GAS1: variants seen among roughly 807,000 people sequenced by gnomAD.
The protein encoded by GAS1 is growth arrest-specific protein 1.
GAS1 carries 10 observed loss-of-function variants against 21.6 expected under a neutral mutation model. That is an observed-to-expected ratio of 0.46 (90% CI 0.29 to 0.79). GAS1 has a LOEUF of 0.79. GAS1 is among the 30% of genes least tolerant of loss of function. The pLI is 0.10. For synonymous variants in GAS1, 332 were observed against 264.0 expected (o/e 1.26, Z -2.50); for missense variants, 567 against 544.3 (o/e 1.04, Z -0.42).
rs549796120 is a variant in GAS1 at position 86,947,343 on chromosome 9, C to T, written c.-564G>A. On this transcript the variant is annotated 5_prime_UTR_variant, in exon 1 of 1. Coordinates refer to ENST00000298743, the MANE Select transcript of GAS1 (RefSeq NM_002048.3). ...GGCCGCCCCGCGTCCCCTCCCCCTC[C>T]GCCCGCGGCAACCCCGGCCTCCGCA... Among the ~76,000 whole-genome samples the T allele has an allele frequency of 1.8e-4, 27 of 151,768 alleles. No homozygotes were observed. Among genetic ancestry groups the T allele is most frequent in the African/African-American group, 6.5e-4 (27 of 41,444 alleles).
In GAS1 at chr9:86,945,314, TAGAC is replaced by T. The variant is rs1358968999; in HGVS notation, c.*424_*427del. The T allele has an allele frequency of 1.3e-5, 2 of 156,796 alleles. No homozygotes were observed. The highest frequency in any genetic ancestry group is 2.8e-5 in the Non-Finnish European group (2 of 71,418). The allele number at this position is 156,796 out of a possible 1,614,324, so 9.7% of individuals were successfully genotyped here. A position where few individuals can be genotyped will look rare whatever the true frequency, so the allele number is the denominator to read the frequency against. On this transcript the variant is annotated 3_prime_UTR_variant, in exon 1 of 1. Transcript: ENST00000298743. ...TGCCCCCTCAAAGGAAATATGCTAA[TAGAC>T]AGCCCCTTTGCAAATATAATTCCTC...
Position 86,945,899 on chromosome 9 carries a change from G to A in GAS1, c.881C>T (p.Pro294Leu). The A allele has an allele frequency of 6.5e-7, 1 of 1,531,430 alleles. No homozygotes were observed. Among genetic ancestry groups the A allele is most frequent in the Non-Finnish European group, 8.7e-7 (1 of 1,143,564 alleles). 94.9% of individuals were successfully genotyped at this position (1,531,430 alleles called of 1,614,324 possible). The change falls in exon 1 of 1, where the codon CCG becomes CTG. Residue 294 changes from proline to leucine, a missense_variant. Transcript: ENST00000298743. ...LDDDDGVPHP[P>L]RPGSGAAASG... ...TGCAGCAGCGCCGCTGCCCGGGCGC[G>A]GTGGGTGCGGGACGCCGTCGTCGTC...
Position 86,946,048 on chromosome 9 carries a change from G to T in GAS1, c.732C>A (p.Phe244Leu). 1 of 1,607,652 alleles carries T rather than the reference G, an allele frequency of 6.2e-7. No homozygotes were observed. Among genetic ancestry groups the T allele is most frequent in the Non-Finnish European group, 8.5e-7 (1 of 1,179,490 alleles). Residue 244 changes from phenylalanine (F) to leucine (L), a missense_variant, in exon 1 of 1, where the codon TTC (phenylalanine) becomes TTA (leucine). Phe to Leu is a conservative substitution (Grantham distance 22, BLOSUM62 0). Coordinates refer to ENST00000298743, the MANE Select transcript of GAS1 (RefSeq NM_002048.3). The surrounding 1 kb of genome is among the most constrained non-coding windows in gnomAD (Gnocchi z 5.2). ...SVKENMARLC[F>L]GAELGNGPGS... ...CGGGGCCGTTGCCCAGCTCGGCGCC[G>T]AAGCACAGGCGGGCCATGTTCTCCT...
At position 86,946,738 on chromosome 9, in the gene GAS1, C is replaced by G; in HGVS notation, c.42G>C (p.Gly14=). ...ACAGCCAGGCGCCCGGCACTGTCCC[C>G]CCGCGGGCCTCGCCGCCGCCGCCCA... ...ALLGGGGEAR[G]GTVPGAWLCL... Residue 14 remains glycine, a synonymous_variant, in exon 1 of 1, where the codon GGG becomes GGC. Coordinates refer to ENST00000298743, the MANE Select transcript of GAS1 (RefSeq NM_002048.3). This position sits in a 1 kb window ranked among gnomAD's most constrained non-coding sequence, Gnocchi z 5.2. 7.8e-7 allele frequency: 1 copy of G among 1,276,790 alleles called. No individual in the cohort carries two copies. The highest frequency in any genetic ancestry group is 2.0e-5 in the South Asian group (1 of 50,156). 79.1% of individuals were successfully genotyped at this position (1,276,790 alleles called of 1,614,324 possible).
chr9:86,945,996 C>T lies in GAS1; in HGVS notation c.784G>A (p.Asp262Asn), dbSNP rs1042442624. ...TCGTAGTCCTCATCGTAGTAGTCGT[C>T]CAGGCCCCCGTCCGAGCCGCTGCTG... is the stretch of plus-strand genomic sequence containing the variant. Reference protein sequence around the residue: ...PGSSGSDGGLDDYYDEDYDDE... With the variant: ...PGSSGSDGGLNDYYDEDYDDE... The change falls in exon 1 of 1, where the codon GAC becomes AAC. Residue 262 changes from aspartate to asparagine, a missense_variant. Physicochemically the swap from Asp to Asn is conservative, Grantham distance 23. Transcript: ENST00000298743. 6.2e-7 allele frequency: 1 copy of T among 1,608,118 alleles called. No homozygotes were observed. Among genetic ancestry groups the T allele is most frequent in the Non-Finnish European group, 8.5e-7 (1 of 1,179,210 alleles).
At position 86,946,678 on chromosome 9, in the gene GAS1, C is replaced by G; in HGVS notation, c.102G>C (p.Ala34=). Residue 34 remains alanine (A), a synonymous_variant, in exon 1 of 1, where the codon GCG becomes GCC. Coordinates refer to ENST00000298743, the MANE Select transcript of GAS1 (RefSeq NM_002048.3). The surrounding 1 kb of genome is among the most constrained non-coding windows in gnomAD (Gnocchi z 5.2). The stretch of plus-strand genomic sequence containing the variant: ...CGTGCGCCAGCCCCGATCCCCGCGG[C>G]GCCGAGCCCAGCAGCTGCAGCAGCG... ...LMALLQLLGS[A]PRGSGLAHGR... The G allele has an allele frequency of 7.0e-7, 1 of 1,422,232 alleles. No homozygotes were observed. Among genetic ancestry groups the G allele is most frequent in the Non-Finnish European group, 9.2e-7 (1 of 1,087,294 alleles). 88.1% of individuals were successfully genotyped at this position (1,422,232 alleles called of 1,614,324 possible).
rs1825497282 is a variant in GAS1, at chr9:86,946,604, G to A, written c.176C>T (p.Pro59Leu). 2.1e-6 allele frequency: 3 copies of A among 1,449,700 alleles called. No homozygotes were observed. Among genetic ancestry groups the A allele is most frequent in the Non-Finnish European group, 2.7e-6 (3 of 1,103,772 alleles). The allele number at this position is 1,449,700 out of a possible 1,614,324, so 89.8% of individuals were successfully genotyped here. ...WQALLQCQGE[P>L]ECSYAYNQYA... ...CTGGTTGTAGGCGTAGCTGCACTCC[G>A]GCTCCCCCTGGCACTGCAGCAGCGC... The change falls in exon 1 of 1, where the codon CCG (proline) becomes CTG (leucine). Residue 59 changes from proline to leucine, a missense_variant. Transcript: ENST00000298743. This position sits in a 1 kb window ranked among gnomAD's most constrained non-coding sequence, Gnocchi z 5.2.
In GAS1 at chr9:86,946,959, C is replaced by T. The variant is rs1825509600; in HGVS notation, c.-180G>A. The T allele has an allele frequency of 3.0e-6, 1 of 333,466 alleles. No individual in the cohort carries two copies. The highest frequency in any genetic ancestry group is 5.0e-5 in the Admixed American group (1 of 19,982). 20.7% of individuals were successfully genotyped at this position (333,466 alleles called of 1,614,324 possible). On this transcript the variant is annotated 5_prime_UTR_variant, in exon 1 of 1. Transcript: ENST00000298743. This position sits in a 1 kb window ranked among gnomAD's most constrained non-coding sequence, Gnocchi z 5.2. Reference sequence around the variant, plus strand: ...TGGTGGCAGAAGGTCCCCTTTCGCTCTGGCTGCGGTGGCTTCCTGGAAATG... The same window carrying T: ...TGGTGGCAGAAGGTCCCCTTTCGCTTTGGCTGCGGTGGCTTCCTGGAAATG...
Position 86,946,560 on chromosome 9 carries a change from G to A in GAS1, c.220C>T (p.Pro74Ser). 1 of 1,395,288 alleles carries A rather than the reference G, an allele frequency of 7.2e-7. No individual in the cohort carries two copies. The highest frequency in any genetic ancestry group is 9.3e-7 in the Non-Finnish European group (1 of 1,078,190). 86.4% of individuals were successfully genotyped at this position (1,395,288 alleles called of 1,614,324 possible). Residue 74 changes from proline to serine, a missense_variant, in exon 1 of 1, where the codon CCG becomes TCG. By Grantham distance (74) the Pro-to-Ser change is moderately conservative. Transcript: ENST00000298743. This position sits in a 1 kb window ranked among gnomAD's most constrained non-coding sequence, Gnocchi z 5.2. The part of the protein sequence containing the change: ...AYNQYAEACA[P>S]VLAQHGGGDA... ...CCCCCGCCGTGCTGCGCCAGCACCGGCGCGCACGCCTCGGCGTACTGGTTG... is the reference window on the plus strand; with the variant it reads ...CCCCCGCCGTGCTGCGCCAGCACCGACGCGCACGCCTCGGCGTACTGGTTG...
At position 86,946,192 on chromosome 9, in the gene GAS1, C is replaced by G; in HGVS notation, c.588G>C (p.Gly196=). 6.2e-7 allele frequency: 1 copy of G among 1,604,024 alleles called. No homozygotes were observed. The highest frequency in any genetic ancestry group is 8.5e-7 in the Non-Finnish European group (1 of 1,179,166). The change falls in exon 1 of 1, where the codon GGG becomes GGC. Residue 196 remains glycine (G), a synonymous_variant. Coordinates refer to ENST00000298743, the MANE Select transcript of GAS1 (RefSeq NM_002048.3). This position sits in a 1 kb window ranked among gnomAD's most constrained non-coding sequence, Gnocchi z 5.2. ...TGCGGCATTCGTCCGTGCAGCGCAG[C>G]CCGTTGAAGACTTTGCCGCAGTAGG... The part of the protein sequence containing the change: ...YLTYCGKVFN[G]LRCTDECRTV...
In GAS1 at chr9:86,946,765, C is replaced by G; in HGVS notation, c.15G>C (p.Leu5=). Reference sequence around the variant, plus strand: ...CGCGGGCCTCGCCGCCGCCGCCCAGCAGCGCGGCCACCATCGCGGGCAGCG... The same window carrying G: ...CGCGGGCCTCGCCGCCGCCGCCCAGGAGCGCGGCCACCATCGCGGGCAGCG... MVAA[L]LGGGGEARGG... The change falls in exon 1 of 1, where the codon CTG becomes CTC. Residue 5 remains leucine, a synonymous_variant. Coordinates refer to ENST00000298743, the MANE Select transcript of GAS1 (RefSeq NM_002048.3). The surrounding 1 kb of genome is among the most constrained non-coding windows in gnomAD (Gnocchi z 5.2). 9.0e-7 allele frequency: 1 copy of G among 1,108,836 alleles called. No homozygotes were observed. The highest frequency in any genetic ancestry group is 1.2e-6 in the Non-Finnish European group (1 of 841,858). 68.7% of individuals were successfully genotyped at this position (1,108,836 alleles called of 1,614,324 possible).
Position 86,946,951 on chromosome 9 carries a change from CT to C in GAS1, c.-173del. The stretch of plus-strand genomic sequence containing the variant: ...TGCCCCGCTGGTGGCAGAAGGTCCC[CT>C]TTCGCTCTGGCTGCGGTGGCTTCCT... On this transcript the variant is annotated 5_prime_UTR_variant, in exon 1 of 1. Transcript: ENST00000298743. The surrounding 1 kb of genome is among the most constrained non-coding windows in gnomAD (Gnocchi z 5.2). 3.0e-6 allele frequency: 1 copy of C among 336,996 alleles called. No homozygotes were observed. The highest frequency in any genetic ancestry group is 5.6e-6 in the Non-Finnish European group (1 of 178,364). The allele number at this position is 336,996 out of a possible 1,614,324, so 20.9% of individuals were successfully genotyped here.
chr9:86,944,368 G>T lies in GAS1; in HGVS notation c.*1374C>A, dbSNP rs1486192828. On this transcript the variant is annotated 3_prime_UTR_variant, in exon 1 of 1. Transcript: ENST00000298743. ...GGAAAGTAACTACACCATATTCATT[G>T]TTTAAAACTCTTTACTGATGTACAT... 1 of 151,668 alleles carries T rather than the reference G, an allele frequency of 6.6e-6. No individual in the cohort carries two copies. Among genetic ancestry groups the T allele is most frequent in the Non-Finnish European group, 1.5e-5 (1 of 68,002 alleles). 9.4% of individuals were successfully genotyped at this position (151,668 alleles called of 1,614,324 possible). A position where few individuals can be genotyped will look rare whatever the true frequency, so the allele number is the denominator to read the frequency against.
In GAS1 at chr9:86,945,961, C is replaced by T. The variant is rs1170517945; in HGVS notation, c.819G>A (p.Gln273=). The part of the protein sequence containing the change: ...DYYDEDYDDE[Q]RTGGAGGEQP... ...GCTCACCACCCGCGCCCCCGGTGCGCTGCTCGTCATCGTAGTCCTCATCGT... is the reference window on the plus strand; with the variant it reads ...GCTCACCACCCGCGCCCCCGGTGCGTTGCTCGTCATCGTAGTCCTCATCGT... Residue 273 remains glutamine, a synonymous_variant, in exon 1 of 1, where the codon CAG becomes CAA. Transcript: ENST00000298743. 2.5e-6 allele frequency: 4 copies of T among 1,601,626 alleles called. No individual in the cohort carries two copies. The African/African-American group carries it at 5.4e-5, about 21-fold the overall frequency.
chr9:86,946,411 G>C lies in GAS1; in HGVS notation c.369C>G (p.Pro123=). ...GCGCGCAGTCACAGTCCTCCAGGGCGGGCCCGCGGCGCGTGTGGTTGAGCT... is the reference window on the plus strand; with the variant it reads ...GCGCGCAGTCACAGTCCTCCAGGGCCGGCCCGCGGCGCGTGTGGTTGAGCT... The part of the protein sequence containing the change: ...LIQLNHTRRG[P]ALEDCDCAQD... Residue 123 remains proline (P), a synonymous_variant, in exon 1 of 1, where the codon CCC becomes CCG. Coordinates refer to ENST00000298743, the MANE Select transcript of GAS1 (RefSeq NM_002048.3). This position sits in a 1 kb window ranked among gnomAD's most constrained non-coding sequence, Gnocchi z 5.2. The C allele has an allele frequency of 6.7e-7, 1 of 1,491,558 alleles. No homozygotes were observed. The highest frequency in any genetic ancestry group is 8.9e-7 in the Non-Finnish European group (1 of 1,125,126). The allele number at this position is 1,491,558 out of a possible 1,614,324, so 92.4% of individuals were successfully genotyped here. A position where few individuals can be genotyped will look rare whatever the true frequency, so the allele number is the denominator to read the frequency against.
rs1023906043 is a variant in GAS1, at chr9:86,945,821, C to G, written c.959G>C (p.Gly320Ala). 34 of 1,514,476 alleles carry G rather than the reference C, an allele frequency of 2.2e-5. No homozygotes were observed. The Middle Eastern group carries it at 6.8e-4, about 30-fold the overall frequency. 93.8% of individuals were successfully genotyped at this position (1,514,476 alleles called of 1,614,324 possible). The change falls in exon 1 of 1, where the codon GGC becomes GCC. Residue 320 changes from glycine (G) to alanine (A), a missense_variant. By Grantham distance (60) the Gly-to-Ala change is moderately conservative. Coordinates refer to ENST00000298743, the MANE Select transcript of GAS1 (RefSeq NM_002048.3). ...GCCCCGGGGCGCCAAGCGGCCGCCG[C>G]CGCCGCTGCTCCTGCGCCCAGGCCC... ...PYGPGRRSSG[G>A]GGRLAPRGAW...
At position 86,946,005 on chromosome 9, in the gene GAS1, C is replaced by G; in HGVS notation, c.775G>C (p.Gly259Arg). ...TCATCGTAGTAGTCGTCCAGGCCCC[C>G]GTCCGAGCCGCTGCTGCCGGGGCCG... ...GNGPGSSGSD[G>R]GLDDYYDEDY... Residue 259 changes from glycine (G) to arginine (R), a missense_variant, in exon 1 of 1, where the codon GGG (glycine) becomes CGG (arginine). Transcript: ENST00000298743. The surrounding 1 kb of genome is among the most constrained non-coding windows in gnomAD (Gnocchi z 5.2). 1.2e-6 allele frequency: 2 copies of G among 1,608,110 alleles called. No homozygotes were observed. Among genetic ancestry groups the G allele is most frequent in the Non-Finnish European group, 1.7e-6 (2 of 1,179,320 alleles).
rs1303830737 is a variant in GAS1 at position 86,945,946 on chromosome 9, C to A, written c.834G>T (p.Ala278=). The A allele has an allele frequency of 1.3e-6, 2 of 1,594,020 alleles. No individual in the cohort carries two copies. Among genetic ancestry groups the A allele is most frequent in the East Asian group, 2.3e-5 (1 of 43,750 alleles). Residue 278 remains alanine, a synonymous_variant, in exon 1 of 1, where the codon GCG becomes GCT. Coordinates refer to ENST00000298743, the MANE Select transcript of GAS1 (RefSeq NM_002048.3). ...CGTCGTCCAGCGGCTGCTCACCACC[C>A]GCGCCCCCGGTGCGCTGCTCGTCAT... ...DYDDEQRTGG[A]GGEQPLDDDD... is the part of the protein sequence containing the mutation.
At position 86,947,364 on chromosome 9, in the gene GAS1, C is replaced by T. The variant is rs1459506205; in HGVS notation, c.-585G>A. On this transcript the variant is annotated 5_prime_UTR_variant, in exon 1 of 1. Transcript: ENST00000298743. The stretch of plus-strand genomic sequence containing the variant: ...CCTCCGCCCGCGGCAACCCCGGCCT[C>T]CGCAGAGCTCCGGGGAGCTCTTTCC... Among the ~76,000 whole-genome samples the T allele has an allele frequency of 2.0e-5, 3 of 151,834 alleles. No individual in the cohort carries two copies. The highest frequency in any genetic ancestry group is 2.0e-4 in the Admixed American group (3 of 15,270).
Sources: allele counts gnomAD v4.1 joint callset (sites outside exome capture counted in the v4.1 genomes callset), GRCh38; gene constraint gnomAD v4.1.1; non-coding constraint Gnocchi (gnomAD v3.1); transcripts MANE v1.5; gene names NCBI Gene and HGNC (gene_info 2026-07-23, HGNC 2026-07-21).